EML1: variants seen among roughly 807,000 people sequenced by gnomAD.
EML1 encodes EMAP like 1, also known as echinoderm microtubule-associated protein-like 1.
In EML1, 27 loss-of-function variants were observed where a neutral mutation model predicts 110.4. The ratio of observed to expected loss-of-function variants is 0.24; its 90% CI spans 0.18 to 0.34. The LOEUF (loss-of-function observed/expected upper bound fraction) is 0.34. Ranked by LOEUF, EML1 falls within the 10% of genes least tolerant of loss-of-function variation. The pLI, the probability that EML1 is intolerant of heterozygous loss-of-function variation, is 1.00. For synonymous variants in EML1, 344 were observed against 385.8 expected, an observed-to-expected ratio of 0.89 and a Z score of 1.27; for missense variants, 741 against 1,030.9, an observed-to-expected ratio of 0.72 and a Z score of 3.85.
intron 3 of EML1, among the ~76,000 whole-genome samples, chr14:99,878,072 C>T (rs972624658): frequency 1.3e-5 from 2 of 151,694 alleles, no homozygotes; most frequent in Non-Finnish European, 2.9e-5. Context: ...TTGTTTAATT[C>T]GTCGGCTATC....
chr14:99,757,667 T>C (rs1215075633), intron 1 of EML1, among the ~76,000 whole-genome samples: 1 of 152,218 alleles, frequency 6.6e-6, no homozygotes, highest in Non-Finnish European at 1.5e-5. Context: ...AATGAATCAC[T>C]GTCTTGGGTT....
chr14:99,746,990 C>G (rs1368695628), intron 1 of EML1, among the ~76,000 whole-genome samples: 2 of 152,030 alleles, frequency 1.3e-5, no homozygotes, highest in Non-Finnish European at 2.9e-5. Flanking sequence ...GGGCGCTGTG[C>G]CCCATCTCAC....
chr14:99,931,239 G>A (rs1306492628), intron 17 of EML1, among the ~76,000 whole-genome samples: 1 of 152,078 alleles, frequency 6.6e-6, no homozygotes, highest in African/African-American at 2.4e-5. Flanking sequence ...GACCATCTTC[G>A]CTGCCACCCC....
intron 1 of EML1, among the ~76,000 whole-genome samples, chr14:99,758,246 C>G (rs1217985624): frequency 6.6e-6 from 1 of 152,214 alleles, no homozygotes; most frequent in African/African-American, 2.4e-5. Context: ...ATTACCTCCC[C>G]AGTTCACAGA....
rs555798969 is a variant in EML1, at chr14:99,914,876, C to T, written c.1752+179C>T. ...AACAGTGTTACTTTTAACATTGCCT[C>T]GTGGCCTCAGCCATGTAATTTTGAA... On this transcript the variant is annotated intron_variant, in intron 15 of 21. Transcript: ENST00000262233. 118 of 774,458 alleles carry T rather than the reference C, an allele frequency of 1.5e-4. 1 individual carries two copies. In the East Asian group the frequency reaches 2.5e-3, roughly 17 times the overall value. 48.0% of individuals were successfully genotyped at this position (774,458 alleles called of 1,614,324 possible). A position where few individuals can be genotyped will look rare whatever the true frequency, so the allele number is the denominator to read the frequency against.
intron 1 of EML1, among the ~76,000 whole-genome samples, chr14:99,826,105 A>ATTTTTTTTTTTTTTTTTTTTTTTTT (rs71113225): frequency 1.3e-5 from 1 of 79,962 alleles, no homozygotes; most frequent in Admixed American, 1.7e-4. Context: ...CTGTGCATTG[A>ATTTTTTTTTTTTTTTTTTTTTTTTT]TTTTTTTTTT....
At chr14:99,745,565 G>A (rs2057098987) in intron 1 of EML1, among the ~76,000 whole-genome samples, 1 of 152,202 alleles carries the variant, frequency 6.6e-6, no homozygotes, top group South Asian at 2.1e-4. Flanking sequence ...CCTGTCATAA[G>A]AGTCAGTGAA....
intron 1 of EML1, among the ~76,000 whole-genome samples, chr14:99,752,527 G>C (rs2057188782): frequency 1.3e-5 from 2 of 152,232 alleles, no homozygotes; most frequent in African/African-American, 4.8e-5. Context: ...CCAGCAGAAA[G>C]TGTCCTGGTC....
chr14:99,770,860 G>C (rs536448393), upstream of EML1, among the ~76,000 whole-genome samples: 3 of 139,742 alleles, frequency 2.1e-5, no homozygotes, highest in Non-Finnish European at 3.0e-5. Flanking sequence ...TCTCGGCTCA[G>C]TGCAAGCTCC....
intron 1 of EML1, among the ~76,000 whole-genome samples, chr14:99,739,610 G>C (rs1268350902): frequency 6.6e-6 from 1 of 152,186 alleles, no homozygotes; most frequent in Non-Finnish European, 1.5e-5. Flanking sequence ...CAGGCTCCAG[G>C]CTTGGTTTTC....
intron 3 of EML1, among the ~76,000 whole-genome samples, chr14:99,876,426 A>C (rs958631298): frequency 2.6e-5 from 4 of 152,118 alleles, no homozygotes; most frequent in Non-Finnish European, 5.9e-5. Context: ...GTGCAGCACC[A>C]GCACATTTAC....
chr14:99,915,595 GT>G (rs34853685), intron 15 of EML1, among the ~76,000 whole-genome samples: 7 of 148,554 alleles, frequency 4.7e-5, no homozygotes, highest in South Asian at 2.2e-4. Flanking sequence ...GGTTGAAGAG[GT>G]TTTTTTTTTA....
intron 1 of EML1, among the ~76,000 whole-genome samples, chr14:99,751,124 G>A (rs1015735965): frequency 6.6e-6 from 1 of 152,230 alleles, no homozygotes; most frequent in African/African-American, 2.4e-5. Flanking sequence ...AGCACCTACT[G>A]CTAGCCAGGC....
chr14:99,816,337 A>G (rs143500229), intron 1 of EML1, among the ~76,000 whole-genome samples: 5,041 of 152,258 alleles, frequency 0.033, 154 homozygotes, highest in African/African-American at 0.075. Context: ...CTAATTTTGT[A>G]TTTTTAGTAG....
chr14:99,806,913 T>G (rs1403425688), intron 1 of EML1, among the ~76,000 whole-genome samples: 2 of 152,202 alleles, frequency 1.3e-5, no homozygotes, highest in Non-Finnish European at 2.9e-5. Flanking sequence ...GCCAATAACA[T>G]GCATTCTCTC....
rs141871132 is a variant in EML1 at position 99,850,987 on chromosome 14, A to T, written c.202A>T (p.Ile68Phe). Residue 68 changes from isoleucine to phenylalanine, a missense_variant, in exon 2 of 22, where the codon ATT (isoleucine) becomes TTT (phenylalanine). Ile to Phe is a conservative substitution (Grantham distance 21, BLOSUM62 0). Transcript: ENST00000262233. ...AGCTGATGTGGTTCGGCGGCTGAACATTACTGAGGAACAGCAGGCCGTGCT... is the reference window on the plus strand; with the variant it reads ...AGCTGATGTGGTTCGGCGGCTGAACTTTACTGAGGAACAGCAGGCCGTGCT... ...ALADVVRRLNITEEQQAVLNR... is the reference protein window; with the variant it reads ...ALADVVRRLNFTEEQQAVLNR... The T allele has an allele frequency of 6.2e-7, 1 of 1,614,174 alleles. No individual in the cohort carries two copies. The highest frequency in any genetic ancestry group is 2.2e-5 in the East Asian group (1 of 44,890).
At chr14:99,780,810 G>A (rs1253464059) in intron 1 of EML1, among the ~76,000 whole-genome samples, 1 of 152,210 alleles carries the variant, frequency 6.6e-6, no homozygotes, top group African/African-American at 2.4e-5. Flanking sequence ...ATGCAGGTTT[G>A]CAGCCTAGGA....
At chr14:99,743,663 G>A (rs188286847) in intron 1 of EML1, among the ~76,000 whole-genome samples, 7 of 152,230 alleles carry the variant, frequency 4.6e-5, no homozygotes, top group South Asian at 2.1e-4. Context: ...GCACTCACTC[G>A]GCACACGAAC....
chr14:99,909,617 G>A, intron 11 of EML1, 138 bp downstream of exon 11: 2 of 1,143,380 alleles, frequency 1.7e-6, no homozygotes, highest in Non-Finnish European at 2.5e-6. Context: ...ACACCTGGTA[G>A]ATAACGCTGG....
Sources: allele counts gnomAD v4.1 joint callset (sites outside exome capture counted in the v4.1 genomes callset), GRCh38; gene constraint gnomAD v4.1.1; transcripts MANE v1.5; gene names NCBI Gene and HGNC (gene_info 2026-07-23, HGNC 2026-07-21).